The following ZNF264 variants were observed in gnomAD, a reference collection of about 807,000 sequenced individuals.
The protein encoded by ZNF264 is zinc finger protein 264.
Under a neutral mutation model 11.2 loss-of-function variants are expected in ZNF264, and 11 were observed. That is an observed-to-expected ratio of 0.98 (90% CI 0.62 to 1.63). ZNF264 has a LOEUF of 1.63. Among genes scored for constraint, ZNF264 ranks in the 40% most tolerant of loss-of-function variants. ZNF264 has a pLI of 0.00. For missense variants in ZNF264, 752 were observed against 768.1 expected (o/e 0.98, Z 0.25); for synonymous variants, 309 against 279.8 (o/e 1.10, Z -1.04).
At chr19:57,203,097 A>C (rs1217081620) in intron 2 of ZNF264, among the ~76,000 whole-genome samples, 2 of 151,980 alleles carry the variant, frequency 1.3e-5, no homozygotes, top group Non-Finnish European at 2.9e-5. Flanking sequence ...GATTAGAGAG[A>C]GTTTTCCCTG....
chr19:57,215,359 C>T lies in ZNF264; in HGVS notation c.*2378C>T, dbSNP rs1032025664. The T allele has an allele frequency of 6.6e-6, 1 of 152,130 alleles. No homozygotes were observed. Among genetic ancestry groups the T allele is most frequent in the Non-Finnish European group, 1.5e-5 (1 of 68,016 alleles). The allele number at this position is 152,130 out of a possible 1,614,324, so 9.4% of individuals were successfully genotyped here. ...CTTATTCTTTTGATAGCAGGATCTG[C>T]ACTTCTTTTTATTTTTAATATTTAA... On this transcript the variant is annotated 3_prime_UTR_variant, in exon 4 of 4. Coordinates refer to ENST00000263095, the MANE Select transcript of ZNF264 (RefSeq NM_003417.5).
intron 3 of ZNF264, among the ~76,000 whole-genome samples, chr19:57,210,610 T>C (rs2087327309): frequency 6.6e-6 from 1 of 152,214 alleles, no homozygotes; most frequent in South Asian, 2.1e-4. Context: ...TGTCCAGAAT[T>C]GTACTGAAGC....
chr19:57,195,925 T>C (rs2087208593), intron 2 of ZNF264, among the ~76,000 whole-genome samples: 3 of 151,874 alleles, frequency 2.0e-5, no homozygotes, highest in Admixed American at 2.0e-4. Flanking sequence ...TGCTAGTTGA[T>C]CACTAGGGAT....
chr19:57,196,243 C>T (rs952209014), intron 2 of ZNF264, among the ~76,000 whole-genome samples: 1 of 151,896 alleles, frequency 6.6e-6, no homozygotes, highest in Non-Finnish European at 1.5e-5. Flanking sequence ...TGGTCAGAGG[C>T]AATGCTGTGT....
At chr19:57,208,395 T>C (rs1379728155) in intron 3 of ZNF264, among the ~76,000 whole-genome samples, 2 of 151,568 alleles carry the variant, frequency 1.3e-5, no homozygotes, top group African/African-American at 4.8e-5. Flanking sequence ...ATTAAAAAAA[T>C]TAGCTGGGCA....
chr19:57,194,067 T>A (rs2087195083), intron 2 of ZNF264, 66 bp downstream of exon 2: 1 of 1,538,992 alleles, frequency 6.5e-7, no homozygotes, highest in African/African-American at 1.4e-5. Context: ...ATCTTCTGAC[T>A]CCAGGCCTGG....
At chr19:57,192,558 A>G in intron 1 of ZNF264, 1 of 985,350 alleles carries the variant, frequency 1.0e-6, no homozygotes, top group African/African-American at 1.7e-5. Context: ...GTAAGGAAAG[A>G]GGCCGATGGT....
intron 3 of ZNF264, among the ~76,000 whole-genome samples, chr19:57,206,517 C>T (rs1248188068): frequency 6.6e-6 from 1 of 152,060 alleles, no homozygotes; most frequent in Non-Finnish European, 1.5e-5. Flanking sequence ...GGATTACAAG[C>T]GTGAGTCACC....
chr19:57,220,372 G>A lies in ZNF264; in HGVS notation c.*7391G>A, dbSNP rs554998654. 1 of 152,306 alleles carries A rather than the reference G, an allele frequency of 6.6e-6. No individual in the cohort carries two copies. Among genetic ancestry groups the A allele is most frequent in the Non-Finnish European group, 1.5e-5 (1 of 68,036 alleles). 9.4% of individuals were successfully genotyped at this position (152,306 alleles called of 1,614,324 possible). On this transcript the variant is annotated 3_prime_UTR_variant, in exon 4 of 4. Coordinates refer to ENST00000263095, the MANE Select transcript of ZNF264 (RefSeq NM_003417.5). ...AGAAGATACAGTGTCTGGGTTTGAG[G>A]ACAGGGGAGTGGGAAAACTGAGTAG...
chr19:57,206,490 G>A lies in ZNF264; in HGVS notation c.256+998G>A, dbSNP rs971028551. 5.3e-5 allele frequency among the ~76,000 whole-genome samples: 8 copies of A among 151,704 alleles called. No individual in the cohort carries two copies. In the East Asian group the frequency reaches 9.7e-4, roughly 18 times the overall value. On this transcript the variant is annotated intron_variant, in intron 3 of 3. Coordinates refer to ENST00000263095, the MANE Select transcript of ZNF264 (RefSeq NM_003417.5). Reference sequence around the variant, plus strand: ...CCTGACCTCGTGATCCACCCGCCTCGGCCTCCCAAAGTGCTGGGATTACAA... The same window carrying A: ...CCTGACCTCGTGATCCACCCGCCTCAGCCTCCCAAAGTGCTGGGATTACAA...
intron 2 of ZNF264, among the ~76,000 whole-genome samples, chr19:57,197,870 C>G (rs977766613): frequency 6.6e-6 from 1 of 151,918 alleles, no homozygotes; most frequent in Non-Finnish European, 1.5e-5. Flanking sequence ...AGATTTATTT[C>G]CCATCCTCTG....
intron 3 of ZNF264, among the ~76,000 whole-genome samples, chr19:57,206,362 G>A (rs1020470333): frequency 2.6e-5 from 4 of 151,932 alleles, no homozygotes; most frequent in Non-Finnish European, 5.9e-5. Context: ...TCCTGCCTCA[G>A]CCTCCCGAGT....
At chr19:57,194,716 G>T (rs1026222822) in intron 2 of ZNF264, 1 of 398,862 alleles carries the variant, frequency 2.5e-6, no homozygotes, top group African/African-American at 2.1e-5. Context: ...CAGATTAAGG[G>T]GGGGGTCTGC....
chr19:57,207,610 C>A lies in ZNF264; in HGVS notation c.256+2118C>A, dbSNP rs1222195033. On this transcript the variant is annotated intron_variant, in intron 3 of 3. Transcript: ENST00000263095. ...CCAGGCTGGAGTGCAGTGGTGCTAT[C>A]TTGGCTCACTGCAGTCTCTGTGCCT... 1.4e-4 allele frequency among the ~76,000 whole-genome samples: 18 copies of A among 128,744 alleles called. No homozygotes were observed. In the Admixed American group the frequency reaches 1.6e-3, roughly 11 times the overall value. The allele number at this position is 128,744 out of a possible 152,430, so 84.5% of individuals were successfully genotyped here. A position where few individuals can be genotyped will look rare whatever the true frequency, so the allele number is the denominator to read the frequency against.
rs1170427987 is a variant in ZNF264, at chr19:57,211,363, G to T, written c.266G>T (p.Gly89Val). ...LSQDTCPGDK[G>V]KPKTTEPTTC... is the part of the protein sequence containing the mutation. ...GCTGGATTTCTTTCAGGCGACAAAG[G>T]AAAACCTAAGACCACAGAACCTACC... is the stretch of plus-strand genomic sequence containing the variant. The change falls in exon 4 of 4, where the codon GGA (glycine) becomes GTA (valine). Residue 89 changes from glycine to valine, a missense_variant. Physicochemically the swap from Gly to Val is moderately radical, Grantham distance 109. Coordinates refer to ENST00000263095, the MANE Select transcript of ZNF264 (RefSeq NM_003417.5). The T allele has an allele frequency of 1.9e-6, 3 of 1,595,418 alleles. No homozygotes were observed. The South Asian group carries it at 3.3e-5, about 18-fold the overall frequency.
rs151128273 is a variant in ZNF264 at position 57,196,359 on chromosome 19, A to G, written c.160+2358A>G. On this transcript the variant is annotated intron_variant, in intron 2 of 3. Coordinates refer to ENST00000263095, the MANE Select transcript of ZNF264 (RefSeq NM_003417.5). The stretch of plus-strand genomic sequence containing the variant: ...AAACCCATATCCAGAGTAAGTGTCT[A>G]TTCTAGTGAGGACAGACCTCTGCCC... Among the ~76,000 whole-genome samples the G allele has an allele frequency of 1.5e-3, 221 of 152,114 alleles. 8 individuals are homozygous for G. Among genetic ancestry groups the G allele is most frequent in the African/African-American group, 5.1e-3 (212 of 41,374 alleles).
intron 2 of ZNF264, chr19:57,194,268 G>A: frequency 2.1e-6 from 1 of 474,212 alleles, no homozygotes; most frequent in South Asian, 5.0e-5. Context: ...ATTTTCAGCT[G>A]TGCCTCATGA....
intron 2 of ZNF264, among the ~76,000 whole-genome samples, chr19:57,197,690 G>T (rs1439012803): frequency 6.6e-6 from 1 of 151,892 alleles, no homozygotes; most frequent in Non-Finnish European, 1.5e-5. Context: ...TGAGGAATGT[G>T]TTGCCTCCAA....
intron 2 of ZNF264, among the ~76,000 whole-genome samples, chr19:57,195,427 T>G (rs563522990): frequency 4.6e-5 from 7 of 152,238 alleles, no homozygotes; most frequent in Non-Finnish European, 7.3e-5. Flanking sequence ...TCGTAGTTGG[T>G]ATTAATGACT....
Sources: gnomAD v4.1 joint callset for allele counts (sites outside exome capture counted in the v4.1 genomes callset) on GRCh38, gnomAD v4.1.1 for gene constraint, MANE v1.5 for transcripts, NCBI Gene and HGNC (gene_info 2026-07-23, HGNC 2026-07-21) for gene names.